Variants in TASP1 observed in about 807,000 individuals in gnomAD.
The protein encoded by TASP1 is threonine aspartase 1.
In TASP1, 16 loss-of-function variants were observed where a neutral mutation model predicts 56.6. The observed-to-expected ratio is 0.28, with a 90% CI of 0.19 to 0.43. The LOEUF (loss-of-function observed/expected upper bound fraction) is 0.43. TASP1 is among the 20% of genes least tolerant of loss of function. The probability of loss-of-function intolerance (pLI) is 1.00; values close to 1 mark genes in which losing one functional copy is unlikely to be tolerated. For missense variants in TASP1, 393 were observed against 511.6 expected (o/e 0.77, Z 2.24); for synonymous variants, 179 against 184.2 (o/e 0.97, Z 0.23).
chr20:13,394,437 C>T (rs185101908), intron 13 of TASP1, among the ~76,000 whole-genome samples: 46 of 151,688 alleles, frequency 3.0e-4, no homozygotes, highest in African/African-American at 9.9e-4. Flanking sequence ...GGTGAAACCC[C>T]GTCTCTACTA....
chr20:13,477,925 A>C (rs2042999835), intron 11 of TASP1, among the ~76,000 whole-genome samples: 1 of 152,158 alleles, frequency 6.6e-6, no homozygotes, highest in Non-Finnish European at 1.5e-5. Flanking sequence ...TGCAAGTGGA[A>C]ACAAAAACAT....
the TASP1 span, among the ~76,000 whole-genome samples, chr20:13,105,172 A>G: frequency 6.6e-6 from 1 of 152,118 alleles, no homozygotes; most frequent in South Asian, 2.1e-4. Flanking sequence ...GCCAGGGGCT[A>G]AGGTGGGGCC....
At chr20:13,349,005 T>A in the TASP1 span, among the ~76,000 whole-genome samples, 5 of 152,126 alleles carry the variant, frequency 3.3e-5, no homozygotes, top group Admixed American at 2.0e-4. Flanking sequence ...CAGCCTGTCA[T>A]TTGTGTGGGT....
intron 4 of TASP1, among the ~76,000 whole-genome samples, chr20:13,590,191 A>G: frequency 6.6e-6 from 1 of 152,094 alleles, no homozygotes; most frequent in East Asian, 1.9e-4. Flanking sequence ...AAGATCTTGC[A>G]CCACTGCACT....
chr20:13,471,538 G>T (rs2044491425), intron 11 of TASP1, among the ~76,000 whole-genome samples: 1 of 152,110 alleles, frequency 6.6e-6, no homozygotes, highest in South Asian at 2.1e-4. Flanking sequence ...TAAAGCCCCA[G>T]AGATTCTCTT....
intron 4 of TASP1, among the ~76,000 whole-genome samples, chr20:13,590,293 C>T (rs189948971): frequency 3.3e-5 from 5 of 152,126 alleles, no homozygotes. Context: ...CAAATCAAAA[C>T]CCACAACAAA....
chr20:13,277,951 G>T, the TASP1 span, among the ~76,000 whole-genome samples: 11,286 of 152,232 alleles, frequency 0.074, 546 homozygotes, highest in African/African-American at 0.14. Context: ...TAACACAAAA[G>T]GAAGGGGTTA....
the TASP1 span, chr20:13,117,750 G>C: frequency 6.3e-7 from 1 of 1,580,418 alleles, no homozygotes; most frequent in East Asian, 2.2e-5. Flanking sequence ...GCTTGTGTCT[G>C]TTTAAAACCT....
the TASP1 span, among the ~76,000 whole-genome samples, chr20:13,380,231 T>C: frequency 1.3e-5 from 2 of 152,236 alleles, no homozygotes; most frequent in Non-Finnish European, 2.9e-5. Context: ...TGGTCTTTGA[T>C]GTTGGTGACC....
chr20:13,329,551 G>GT, the TASP1 span, among the ~76,000 whole-genome samples: 19 of 151,698 alleles, frequency 1.3e-4, no homozygotes, highest in East Asian at 7.7e-4. Flanking sequence ...ATATGCTTTT[G>GT]TTTTTTTTCA....
At chr20:13,227,515 T>TC in the TASP1 span, among the ~76,000 whole-genome samples, 1 of 74,518 alleles carries the variant, frequency 1.3e-5, no homozygotes, top group Admixed American at 1.3e-4. Context: ...ACTTTTTTCT[T>TC]TTTTTTTTTT....
intron 7 of TASP1, among the ~76,000 whole-genome samples, chr20:13,569,034 T>C (rs1353697297): frequency 5.9e-5 from 9 of 152,276 alleles, no homozygotes; most frequent in African/African-American, 1.4e-4. Flanking sequence ...AATTTCTTCA[T>C]AGATTAAGGA....
chr20:13,543,843 A>T (rs75236280), intron 8 of TASP1, among the ~76,000 whole-genome samples: 2,987 of 152,288 alleles, frequency 0.02, 93 homozygotes, highest in African/African-American at 0.068. Context: ...ATCTTGCTCA[A>T]TTTGGACATG....
At chr20:13,341,855 T>G in the TASP1 span, among the ~76,000 whole-genome samples, 1 of 152,206 alleles carries the variant, frequency 6.6e-6, no homozygotes, top group Non-Finnish European at 1.5e-5. Flanking sequence ...CAATCACACA[T>G]CTGGTAGTTG....
intron 7 of TASP1, among the ~76,000 whole-genome samples, chr20:13,562,289 A>G (rs985636899): frequency 3.3e-5 from 5 of 152,196 alleles, no homozygotes; most frequent in Non-Finnish European, 7.3e-5. Context: ...ATGGCTATAA[A>G]CACATTAAAA....
chr20:13,141,661 A>C, the TASP1 span, among the ~76,000 whole-genome samples: 1 of 152,212 alleles, frequency 6.6e-6, no homozygotes, highest in Non-Finnish European at 1.5e-5. Flanking sequence ...CTGATTTCTA[A>C]ATACATTTGC....
chr20:13,388,588 C>T (rs187659855), downstream of TASP1, among the ~76,000 whole-genome samples: 43 of 152,140 alleles, frequency 2.8e-4, no homozygotes, highest in Non-Finnish European at 5.6e-4. Flanking sequence ...ACTGGTCAGA[C>T]GATTTTCAGA....
the TASP1 span, among the ~76,000 whole-genome samples, chr20:13,125,044 A>T: frequency 6.6e-6 from 1 of 151,862 alleles, no homozygotes; most frequent in South Asian, 2.1e-4. Flanking sequence ...GAGGCCTGTC[A>T]TCAGCCCATT....
intron 13 of TASP1, among the ~76,000 whole-genome samples, chr20:13,409,483 C>T (rs573413780): frequency 1.3e-5 from 2 of 151,890 alleles, no homozygotes; most frequent in East Asian, 1.9e-4. Flanking sequence ...TATGAAATGT[C>T]CTGTTTTATC....
Sources: gnomAD v4.1 joint callset for allele counts (sites outside exome capture counted in the v4.1 genomes callset) on GRCh38, gnomAD v4.1.1 for gene constraint, MANE v1.5 for transcripts, NCBI Gene and HGNC (gene_info 2026-07-23, HGNC 2026-07-21) for gene names.